The following RBFOX1 variants were observed in gnomAD, a reference collection of about 807,000 sequenced individuals.
RBFOX1 encodes RNA binding fox-1 homolog 1, also known as RNA binding protein fox-1 homolog 1.
A neutral mutation model predicts 57.7 loss-of-function variants in RBFOX1; 8 were observed. The observed-to-expected ratio is 0.14, with a 90% confidence interval of 0.08 to 0.25. The LOEUF (loss-of-function observed/expected upper bound fraction) is 0.25. Among genes scored for constraint, RBFOX1 ranks in the 10% least tolerant of loss-of-function variants. RBFOX1 has a pLI of 1.00. For synonymous variants in RBFOX1, 326 were observed against 222.4 expected (o/e 1.47, Z -4.15); for missense variants, 611 against 548.5 (o/e 1.11, Z -1.14).
chr16:5,914,983 A>G (rs749604732), intron 4 of RBFOX1, among the ~76,000 whole-genome samples: 3 of 152,166 alleles, frequency 2.0e-5, no homozygotes, highest in Admixed American at 1.3e-4. Context: ...ATCACCTACT[A>G]TTGTGATGTG....
chr16:6,163,522 G>A (rs887987128), intron 1 of RBFOX1, among the ~76,000 whole-genome samples: 1 of 152,064 alleles, frequency 6.6e-6, no homozygotes, highest in African/African-American at 2.4e-5. Flanking sequence ...TTCTTTTCTA[G>A]TTTTTACCTG....
chr16:5,719,447 C>T (rs541949183), intron 3 of RBFOX1, among the ~76,000 whole-genome samples: 54 of 151,578 alleles, frequency 3.6e-4, no homozygotes, highest in African/African-American at 1.1e-3. Flanking sequence ...CCTGAGCTCG[C>T]GATCCGCCCA....
At chr16:6,200,342 G>A (rs1464066718) in intron 1 of RBFOX1, among the ~76,000 whole-genome samples, 1 of 152,150 alleles carries the variant, frequency 6.6e-6, no homozygotes, top group East Asian at 1.9e-4. Context: ...AAAGAGAGCA[G>A]TTTTAAGCAT....
intron 3 of RBFOX1, among the ~76,000 whole-genome samples, chr16:6,993,184 T>A (rs761255419): frequency 1.3e-5 from 2 of 152,012 alleles, no homozygotes; most frequent in Non-Finnish European, 2.9e-5. Flanking sequence ...TCAAATAAAA[T>A]CATTTGAGGC....
chr16:5,409,823 G>A (rs1179127826), intron 1 of RBFOX1, among the ~76,000 whole-genome samples: 2 of 152,032 alleles, frequency 1.3e-5, no homozygotes, highest in Non-Finnish European at 2.9e-5. Flanking sequence ...GCCGAGGTGG[G>A]CAGATCATGA....
intron 3 of RBFOX1, among the ~76,000 whole-genome samples, chr16:6,660,318 A>G (rs1455617405): frequency 6.6e-6 from 1 of 152,046 alleles, no homozygotes; most frequent in East Asian, 1.9e-4. Flanking sequence ...TGATGGATTG[A>G]TAGGTGCAGC....
intron 3 of RBFOX1, among the ~76,000 whole-genome samples, chr16:5,767,488 A>ATG (rs980002487): frequency 2.0e-5 from 3 of 152,178 alleles, no homozygotes; most frequent in African/African-American, 7.2e-5. Flanking sequence ...GGCATGAAGC[A>ATG]TGTGTGTATG....
intron 3 of RBFOX1, among the ~76,000 whole-genome samples, chr16:6,722,920 T>C (rs1214628483): frequency 6.6e-6 from 1 of 152,206 alleles, no homozygotes; most frequent in Non-Finnish European, 1.5e-5. Flanking sequence ...ATATTTGTGG[T>C]TGGGGACTAG....
chr16:6,138,447 G>A (rs2096685350), intron 1 of RBFOX1, among the ~76,000 whole-genome samples: 2 of 152,290 alleles, frequency 1.3e-5, no homozygotes, highest in East Asian at 1.9e-4. Context: ...CTACTTCCCT[G>A]CTCATATGGT....
intron 1 of RBFOX1, among the ~76,000 whole-genome samples, chr16:5,281,180 C>G (rs1003091052): frequency 6.6e-6 from 1 of 152,106 alleles, no homozygotes; most frequent in South Asian, 2.1e-4. Context: ...TTAATTTCTT[C>G]ATTGATGCAA....
intron 2 of RBFOX1, among the ~76,000 whole-genome samples, chr16:6,601,889 C>A (rs2097857696): frequency 6.6e-6 from 1 of 152,100 alleles, no homozygotes; most frequent in African/African-American, 2.4e-5. Flanking sequence ...GTTAGAGTCA[C>A]AGTTTGTGCA....
intron 1 of RBFOX1, among the ~76,000 whole-genome samples, chr16:6,178,863 T>A (rs1415954223): frequency 6.6e-6 from 1 of 152,180 alleles, no homozygotes; most frequent in East Asian, 1.9e-4. Context: ...CAGATTGGCA[T>A]TTTCTGTCCT....
intron 3 of RBFOX1, among the ~76,000 whole-genome samples, chr16:6,778,029 A>C (rs555846391): frequency 1.9e-4 from 29 of 152,296 alleles, no homozygotes; most frequent in Middle Eastern, 3.4e-3. Flanking sequence ...GTGTGAACTC[A>C]TAAGGTGTGG....
intron 1 of RBFOX1, among the ~76,000 whole-genome samples, chr16:6,307,867 AATG>A (rs1217614628): frequency 2.1e-5 from 3 of 146,212 alleles, no homozygotes; most frequent in Non-Finnish European, 4.5e-5. Flanking sequence ...TATTTCTATA[AATG>A]ATAATTTATA....
chr16:7,425,591 T>C (rs1214177066), intron 4 of RBFOX1, among the ~76,000 whole-genome samples: 1 of 152,230 alleles, frequency 6.6e-6, no homozygotes, highest in Non-Finnish European at 1.5e-5. Flanking sequence ...ATTACATAGT[T>C]TCCTCTTGCT....
intron 4 of RBFOX1, among the ~76,000 whole-genome samples, chr16:5,992,841 G>C (rs1305258464): frequency 6.6e-6 from 1 of 152,198 alleles, no homozygotes; most frequent in Non-Finnish European, 1.5e-5. Flanking sequence ...GGCTGATACA[G>C]GAGAATTGCT....
chr16:6,813,979 T>C (rs987526319), intron 3 of RBFOX1, among the ~76,000 whole-genome samples: 3 of 152,200 alleles, frequency 2.0e-5, no homozygotes, highest in Non-Finnish European at 2.9e-5. Context: ...ACTCTCATCA[T>C]GGCACTGGCA....
chr16:5,265,915 C>T (rs987575839), intron 1 of RBFOX1, among the ~76,000 whole-genome samples: 8 of 152,070 alleles, frequency 5.3e-5, no homozygotes, highest in Non-Finnish European at 1.0e-4. Context: ...ACAAAATTCC[C>T]ATGTGAATCT....
intron 3 of RBFOX1, among the ~76,000 whole-genome samples, chr16:6,872,485 G>A (rs2061105056): frequency 6.6e-6 from 1 of 152,040 alleles, no homozygotes; most frequent in Non-Finnish European, 1.5e-5. Context: ...CCTTGCTTTA[G>A]GTTTCAGGCT....
Sources: allele counts gnomAD v4.1 joint callset (sites outside exome capture counted in the v4.1 genomes callset), GRCh38; gene constraint gnomAD v4.1.1; transcripts MANE v1.5; gene names NCBI Gene and HGNC (gene_info 2026-07-23, HGNC 2026-07-21).